The following IGF2BP1 variants were observed in gnomAD, a reference collection of about 807,000 sequenced individuals.
The protein encoded by IGF2BP1 is insulin like growth factor 2 mRNA binding protein 1, also known as insulin-like growth factor 2 mRNA-binding protein 1.
In IGF2BP1, 11 loss-of-function variants were observed where a neutral mutation model predicts 74.9. That is an observed-to-expected ratio of 0.15 (90% confidence interval 0.09 to 0.24). The LOEUF (loss-of-function observed/expected upper bound fraction) is 0.24. Ranked by LOEUF, IGF2BP1 falls within the 10% of genes least tolerant of loss-of-function variation. The pLI is 1.00. For missense variants in IGF2BP1, 440 were observed against 757.4 expected, an observed-to-expected ratio of 0.58 and a Z score of 4.92; for synonymous variants, 287 against 281.8, an observed-to-expected ratio of 1.02 and a Z score of -0.18.
intron 14 of IGF2BP1, among the ~76,000 whole-genome samples, chr17:49,046,617 A>G (rs541496616): frequency 6.7e-6 from 1 of 150,104 alleles, no homozygotes. Flanking sequence ...TATATTGTGT[A>G]TAACATTATA....
rs1365824920 is a variant in IGF2BP1 at position 49,050,333 on chromosome 17, G to C, written c.*889G>C. 6.6e-6 allele frequency: 1 copy of C among 152,600 alleles called. No individual in the cohort carries two copies. Among genetic ancestry groups the C allele is most frequent in the Non-Finnish European group, 1.5e-5 (1 of 68,044 alleles). The allele number at this position is 152,600 out of a possible 1,614,324, so 9.5% of individuals were successfully genotyped here. ...CCCTGATTCCCATCGTTCTCAGGCGGATTTTATATTTTTTTAAAGTCTATT... is the reference window on the plus strand; with the variant it reads ...CCCTGATTCCCATCGTTCTCAGGCGCATTTTATATTTTTTTAAAGTCTATT... On this transcript the variant is annotated 3_prime_UTR_variant, in exon 15 of 15. Transcript: ENST00000290341.
rs781395983 is a variant in IGF2BP1 at position 49,046,301 on chromosome 17, A to C, written c.1569A>C (p.Val523=). Residue 523 remains valine (V), a synonymous_variant, in exon 14 of 15, where the codon GTA becomes GTC. Transcript: ENST00000290341. ...ATTTGACGGCAGCTGAGGTGGTAGT[A>C]CCAAGAGACCAGACCCCTGATGAGA... ...LQNLTAAEVV[V]PRDQTPDEND... 10 of 1,614,172 alleles carry C rather than the reference A, an allele frequency of 6.2e-6. No individual in the cohort carries two copies. The highest frequency in any genetic ancestry group is 8.5e-6 in the Non-Finnish European group (10 of 1,180,034).
At chr17:49,044,224 G>T (rs1229251530) in intron 11 of IGF2BP1, 138 bp downstream of exon 11, 9 of 1,262,020 alleles carry the variant, frequency 7.1e-6, no homozygotes, top group Admixed American at 2.5e-5. Context: ...CCATGGAATC[G>T]AAGTCCTCTT....
chr17:49,012,833 A>C (rs916602422), intron 2 of IGF2BP1: 2 of 152,240 alleles, frequency 1.3e-5, no homozygotes, highest in African/African-American at 4.8e-5. Flanking sequence ...TTACCAGCTC[A>C]AGCGAGAGCC....
At chr17:49,010,935 C>T (rs986867695) in intron 2 of IGF2BP1, among the ~76,000 whole-genome samples, 3 of 151,200 alleles carry the variant, frequency 2.0e-5, no homozygotes, top group African/African-American at 7.3e-5. Context: ...AGAAGAGCCT[C>T]GTGGACCAGC....
chr17:49,031,846 G>T (rs2041924646), intron 4 of IGF2BP1, 64 bp from the exon 5 acceptor site: 1 of 1,405,666 alleles, frequency 7.1e-7, no homozygotes, highest in Middle Eastern at 1.8e-4. Flanking sequence ...AGCTGGAGTT[G>T]GGGATTCATT....
chr17:48,997,198 G>A (rs565335240), upstream of IGF2BP1, among the ~76,000 whole-genome samples: 2 of 152,008 alleles, frequency 1.3e-5, no homozygotes, highest in African/African-American at 2.4e-5. This position sits in a 1 kb window ranked among gnomAD's most constrained non-coding sequence, Gnocchi z 4.8. Flanking sequence ...GGCCTGTAGA[G>A]CTTCAGGGAC....
chr17:49,007,079 G>A (rs1293902087), intron 2 of IGF2BP1, among the ~76,000 whole-genome samples: 1 of 152,144 alleles, frequency 6.6e-6, no homozygotes, highest in Non-Finnish European at 1.5e-5. Context: ...TGCATATAAG[G>A]TAGGTGTTGT....
At position 49,039,942 on chromosome 17, in the gene IGF2BP1, C is replaced by T; in HGVS notation, c.684-15C>T. 6.2e-7 allele frequency: 1 copy of T among 1,611,834 alleles called. No homozygotes were observed. Among genetic ancestry groups the T allele is most frequent in the Non-Finnish European group, 8.5e-7 (1 of 1,179,798 alleles). On this transcript the variant is annotated splice_polypyrimidine_tract_variant and intron_variant, in intron 6 of 14. Transcript: ENST00000290341. The stretch of plus-strand genomic sequence containing the variant: ...ACTGGGGACAACTAACCAGCCTTGT[C>T]CTTGTGGCCCCCAGGATAGACGTGC...
At chr17:49,037,494 A>C (rs1289692446) in intron 5 of IGF2BP1, 1 of 215,206 alleles carries the variant, frequency 4.6e-6, no homozygotes, top group Non-Finnish European at 9.7e-6. Context: ...TATAGTATAA[A>C]TTTCCTTAAA....
At chr17:49,009,970 C>G (rs1467022322) in intron 2 of IGF2BP1, among the ~76,000 whole-genome samples, 1 of 151,844 alleles carries the variant, frequency 6.6e-6, no homozygotes, top group Non-Finnish European at 1.5e-5. Flanking sequence ...ATCCTAGCTA[C>G]TCGGGAGTCT....
At chr17:48,999,699 T>A (rs2041461285) in intron 2 of IGF2BP1, among the ~76,000 whole-genome samples, 1 of 151,614 alleles carries the variant, frequency 6.6e-6, no homozygotes. Context: ...GGCAAAGACT[T>A]TTTATTTTCC....
At chr17:49,016,915 C>T (rs2144002464) in intron 2 of IGF2BP1, among the ~76,000 whole-genome samples, 1 of 151,318 alleles carries the variant, frequency 6.6e-6, no homozygotes, top group South Asian at 2.1e-4. Flanking sequence ...CCCCTCCCCG[C>T]CCCCGCCCCC....
At position 49,053,479 on chromosome 17, in the gene IGF2BP1, T is replaced by G. The variant is rs1305532780; in HGVS notation, c.*4035T>G. 2.0e-5 allele frequency: 3 copies of G among 152,866 alleles called. No individual in the cohort carries two copies. Among genetic ancestry groups the G allele is most frequent in the African/African-American group, 7.2e-5 (3 of 41,466 alleles). The allele number at this position is 152,866 out of a possible 1,614,324, so 9.5% of individuals were successfully genotyped here. A position where few individuals can be genotyped will look rare whatever the true frequency, so the allele number is the denominator to read the frequency against. Reference sequence around the variant, plus strand: ...GGGGTAGGGAGCCGAGAAATTGGTCTGTCGGCTCCTGGTTGCACTTTGGGG... The same window carrying G: ...GGGGTAGGGAGCCGAGAAATTGGTCGGTCGGCTCCTGGTTGCACTTTGGGG... On this transcript the variant is annotated 3_prime_UTR_variant, in exon 15 of 15. Transcript: ENST00000290341.
intron 2 of IGF2BP1, chr17:49,014,884 TCTCCTGG>T: frequency 3.0e-6 from 3 of 985,272 alleles, no homozygotes; most frequent in Non-Finnish European, 3.6e-6. Flanking sequence ...TCTGGTTTCC[TCTCCTGG>T]CTCCTGAGAG....
chr17:49,043,316 T>A, intron 9 of IGF2BP1, 112 bp from the exon 10 acceptor site: 1 of 1,197,912 alleles, frequency 8.3e-7, no homozygotes, highest in Non-Finnish European at 1.2e-6. Flanking sequence ...AGTATGTAAT[T>A]CATGTTTTTG....
Position 48,997,987 on chromosome 17 carries a change from C to T in IGF2BP1, c.175+67C>T. ...CCCGAACAACGGAGACCCGCACCTTCCGGTTCCTCTCCCGCCAACTCCTCT... is the reference window on the plus strand; with the variant it reads ...CCCGAACAACGGAGACCCGCACCTTTCGGTTCCTCTCCCGCCAACTCCTCT... On this transcript the variant is annotated intron_variant, in intron 1 of 14. Transcript: ENST00000290341. The surrounding 1 kb of genome is among the most constrained non-coding windows in gnomAD (Gnocchi z 4.8). 1.3e-6 allele frequency: 2 copies of T among 1,542,270 alleles called. No homozygotes were observed. The highest frequency in any genetic ancestry group is 2.4e-5 in the South Asian group (2 of 83,324).
intron 3 of IGF2BP1, 33 bp downstream of exon 3, chr17:49,025,699 G>C: frequency 6.3e-7 from 1 of 1,593,120 alleles, no homozygotes. Flanking sequence ...AAATGGAGTG[G>C]GATAGTGGAG....
chr17:49,038,706 T>C (rs2042015494), intron 6 of IGF2BP1, among the ~76,000 whole-genome samples: 3 of 151,950 alleles, frequency 2.0e-5, no homozygotes, highest in Admixed American at 2.0e-4. Context: ...ATGTGAAGTT[T>C]CATAAAAAAA....
Sources: allele counts gnomAD v4.1 joint callset (sites outside exome capture counted in the v4.1 genomes callset), GRCh38; gene constraint gnomAD v4.1.1; non-coding constraint Gnocchi (gnomAD v3.1); transcripts MANE v1.5; gene names NCBI Gene and HGNC (gene_info 2026-07-23, HGNC 2026-07-21).